Variants in RMP64 observed in about 807,000 individuals in gnomAD.
RMP64 encodes the protein nucleolus and neural progenitor protein.
the RMP64 span, chr3:113,019,537 C>G: frequency 6.2e-7 from 1 of 1,610,736 alleles, no homozygotes; most frequent in Admixed American, 1.7e-5. Context: ...CGGCGCCTCA[C>G]TCACCAAGGG....
the RMP64 span, among the ~76,000 whole-genome samples, chr3:113,007,714 C>G: frequency 6.6e-6 from 1 of 152,210 alleles, no homozygotes; most frequent in African/African-American, 2.4e-5. Flanking sequence ...AGCAACAGTA[C>G]AACACCCCAG....
chr3:113,006,074 A>G, the RMP64 span: 1 of 1,061,790 alleles, frequency 9.4e-7, no homozygotes, highest in Non-Finnish European at 1.4e-6. Flanking sequence ...CTTTTAATTT[A>G]CCAACTGAAA....
At chr3:113,012,097 C>T in the RMP64 span, among the ~76,000 whole-genome samples, 6 of 152,088 alleles carry the variant, frequency 3.9e-5, no homozygotes. Flanking sequence ...TCTAATTATC[C>T]ATCAGATCAG....
At chr3:113,005,685 T>TA in the RMP64 span, 6 of 1,613,914 alleles carry the variant, frequency 3.7e-6, no homozygotes, top group Non-Finnish European at 5.1e-6. Flanking sequence ...ATTTTCTCCT[T>TA]AGTTTGTATG....
chr3:113,005,797 T>G, the RMP64 span: 1 of 1,613,966 alleles, frequency 6.2e-7, no homozygotes, highest in African/African-American at 1.3e-5. Context: ...CACTGGTATC[T>G]GTAGCACTCT....
At chr3:113,016,577 A>C in the RMP64 span, among the ~76,000 whole-genome samples, 3 of 152,196 alleles carry the variant, frequency 2.0e-5, no homozygotes, top group Admixed American at 6.5e-5. Flanking sequence ...AAAAGATAAA[A>C]GCCACCCTAG....
the RMP64 span, chr3:113,003,834 A>C: frequency 6.6e-6 from 1 of 152,240 alleles, no homozygotes; most frequent in East Asian, 1.9e-4. Context: ...AAGTAGGAGA[A>C]GCAAGACTGA....
At chr3:113,010,773 T>C in the RMP64 span, 1 of 1,301,316 alleles carries the variant, frequency 7.7e-7, no homozygotes, top group Non-Finnish European at 1.1e-6. Context: ...AACAAATTCT[T>C]AAGTGCATGA....
the RMP64 span, among the ~76,000 whole-genome samples, chr3:113,015,977 G>A: frequency 6.6e-6 from 1 of 152,050 alleles, no homozygotes; most frequent in Non-Finnish European, 1.5e-5. Flanking sequence ...TAGAGGATAG[G>A]AAGGCCTTTA....
the RMP64 span, chr3:113,019,418 C>G: frequency 1.4e-6 from 1 of 739,086 alleles, no homozygotes. Flanking sequence ...CTACGTGCCC[C>G]GCGCCCCTTC....
chr3:113,008,424 T>G, the RMP64 span: 1 of 1,609,384 alleles, frequency 6.2e-7, no homozygotes, highest in East Asian at 2.2e-5. Context: ...AAATCAAAAC[T>G]GGTCTCCTGA....
the RMP64 span, chr3:113,014,042 G>A: frequency 6.3e-7 from 1 of 1,592,646 alleles, no homozygotes; most frequent in Admixed American, 1.7e-5. Flanking sequence ...CCTGAAAGAA[G>A]AAGAGCAGTT....
At chr3:113,019,421 G>T in the RMP64 span, 1 of 748,252 alleles carries the variant, frequency 1.3e-6, no homozygotes. Context: ...CGTGCCCCGC[G>T]CCCCTTCCCA....
chr3:113,017,611 G>A, the RMP64 span: 15 of 1,611,950 alleles, frequency 9.3e-6, no homozygotes, highest in Middle Eastern at 1.7e-4. Context: ...GTCTGAAGCA[G>A]AGACATCTAA....
chr3:113,017,409 A>C, the RMP64 span: 1 of 1,562,136 alleles, frequency 6.4e-7, no homozygotes, highest in Middle Eastern at 1.7e-4. Flanking sequence ...CTACATTTTC[A>C]AGTGAACAGG....
At chr3:113,002,681 T>G in the RMP64 span, 2 of 153,682 alleles carry the variant, frequency 1.3e-5, no homozygotes, top group Non-Finnish European at 2.9e-5. Context: ...GTGTGTTCTT[T>G]TAATAGATAA....
chr3:113,012,284 G>C, the RMP64 span, among the ~76,000 whole-genome samples: 1 of 152,168 alleles, frequency 6.6e-6, no homozygotes, highest in African/African-American at 2.4e-5. Context: ...ATTAGAAACC[G>C]AGTGACAGAA....
At chr3:113,013,889 G>A in the RMP64 span, 1 of 1,089,310 alleles carries the variant, frequency 9.2e-7, no homozygotes. Context: ...AAATCCAAAG[G>A]GAGATCACAA....
At chr3:113,014,064 G>C in the RMP64 span, 1 of 1,369,208 alleles carries the variant, frequency 7.3e-7, no homozygotes, top group African/African-American at 1.4e-5. Flanking sequence ...AAATTCATGT[G>C]TATGTAATGC....
Sources: allele counts gnomAD v4.1 joint callset (sites outside exome capture counted in the v4.1 genomes callset), GRCh38; gene constraint gnomAD v4.1.1; transcripts MANE v1.5; gene names NCBI Gene and HGNC (gene_info 2026-07-23, HGNC 2026-07-21).